Variants in MRRF observed in about 807,000 individuals in gnomAD.
The protein encoded by MRRF is mitochondrial ribosome recycling factor.
MRRF carries 18 observed loss-of-function variants against 25.1 expected under a neutral mutation model. That is an observed-to-expected ratio of 0.72 (90% CI 0.50 to 1.06). The LOEUF (loss-of-function observed/expected upper bound fraction) is 1.06, where lower values mean the gene tolerates loss of function less well. Ranked by LOEUF, MRRF falls within the 50% of genes least tolerant of loss-of-function variation. The pLI is 0.00. For synonymous variants in MRRF, 113 were observed against 112.1 expected (o/e 1.01, Z -0.05); for missense variants, 323 against 319.3 (o/e 1.01, Z -0.09).
chr9:122,326,663 A>G lies in MRRF; in HGVS notation c.*4046A>G, dbSNP rs1260544383. 6.6e-6 allele frequency: 1 copy of G among 152,032 alleles called. No homozygotes were observed. The highest frequency in any genetic ancestry group is 1.5e-5 in the Non-Finnish European group (1 of 67,986). 9.4% of individuals were successfully genotyped at this position (152,032 alleles called of 1,614,324 possible). A position where few individuals can be genotyped will look rare whatever the true frequency, so the allele number is the denominator to read the frequency against. On this transcript the variant is annotated 3_prime_UTR_variant, in exon 7 of 7. Coordinates refer to ENST00000344641, the MANE Select transcript of MRRF (RefSeq NM_138777.5). ...AGATGATTTTTTTTTTTAAGAAAAA[A>G]GAAAGGCCCCTATTCTAAGATTATC... is the stretch of plus-strand genomic sequence containing the variant.
chr9:122,292,353 T>C (rs952432405), intron 5 of MRRF, among the ~76,000 whole-genome samples: 7 of 152,188 alleles, frequency 4.6e-5, no homozygotes, highest in African/African-American at 1.4e-4. Context: ...ACTGGTAGTC[T>C]CTAACTTATA....
intron 5 of MRRF, among the ~76,000 whole-genome samples, chr9:122,307,425 CTCTGCTCACTA>C (rs1325953951): frequency 6.6e-6 from 1 of 152,210 alleles, no homozygotes; most frequent in Non-Finnish European, 1.5e-5. Flanking sequence ...TTCTGTTTCT[CTCTGCTCACTA>C]TCTGCTCAGT....
In MRRF at chr9:122,328,356, CAG is replaced by C. The variant is rs1836195123; in HGVS notation, c.*5741_*5742del. 1 of 152,184 alleles carries C rather than the reference CAG, an allele frequency of 6.6e-6. No individual in the cohort carries two copies. The highest frequency in any genetic ancestry group is 6.5e-5 in the Admixed American group (1 of 15,280). 9.4% of individuals were successfully genotyped at this position (152,184 alleles called of 1,614,324 possible). The stretch of plus-strand genomic sequence containing the variant: ...CCATCCTCCAGAACTCTTTACCATG[CAG>C]AACTGACGCTCTATACCCATTACAC... On this transcript the variant is annotated 3_prime_UTR_variant, in exon 7 of 7. Coordinates refer to ENST00000344641, the MANE Select transcript of MRRF (RefSeq NM_138777.5).
At position 122,322,565 on chromosome 9, in the gene MRRF, T is replaced by G; in HGVS notation, c.737T>G (p.Val246Gly). Residue 246 changes from valine to glycine, a missense_variant, in exon 7 of 7, where the codon GTG (valine) becomes GGG (glycine). Coordinates refer to ENST00000344641, the MANE Select transcript of MRRF (RefSeq NM_138777.5). ...KQISQMADDT[V>G]AELDRHLAVK... ...ATCAGCCAAATGGCCGATGACACAGTGGCAGAACTGGACAGGCATCTGGCA... is the reference window on the plus strand; with the variant it reads ...ATCAGCCAAATGGCCGATGACACAGGGGCAGAACTGGACAGGCATCTGGCA... 6.2e-7 allele frequency: 1 copy of G among 1,614,154 alleles called. No individual in the cohort carries two copies.
intron 4 of MRRF, among the ~76,000 whole-genome samples, chr9:122,289,075 A>T (rs905565859): frequency 3.3e-5 from 5 of 152,232 alleles, no homozygotes; most frequent in African/African-American, 1.2e-4. Flanking sequence ...ATATGAGAAC[A>T]TGACTAATTC....
chr9:122,313,412 GTCTGTGTA>G, intron 6 of MRRF, 26 bp downstream of exon 6: 1 of 1,611,046 alleles, frequency 6.2e-7, no homozygotes. Flanking sequence ...ATGTAGTAGT[GTCTGTGTA>G]TTCAGCATAA....
chr9:122,283,424 G>A (rs1288597012), intron 3 of MRRF, among the ~76,000 whole-genome samples: 1 of 152,030 alleles, frequency 6.6e-6, no homozygotes, highest in Non-Finnish European at 1.5e-5. Flanking sequence ...GTCCCATTTA[G>A]AAATCAGGAA....
rs1267894791 is a variant in MRRF, at chr9:122,330,506, T to A, written c.*7889T>A. 1 of 152,278 alleles carries A rather than the reference T, an allele frequency of 6.6e-6. No individual in the cohort carries two copies. Among genetic ancestry groups the A allele is most frequent in the African/African-American group, 2.4e-5 (1 of 41,470 alleles). The allele number at this position is 152,278 out of a possible 1,614,324, so 9.4% of individuals were successfully genotyped here. On this transcript the variant is annotated 3_prime_UTR_variant, in exon 7 of 7. Transcript: ENST00000344641. This position sits in a 1 kb window ranked among gnomAD's most constrained non-coding sequence, Gnocchi z 4.2. ...CTTCCAAGACACTACTCCCCAGGCC[T>A]CCTCTTCCTGATAATAATAGTGGCT...
At chr9:122,318,010 ATCTGTAG>A (rs960320537) in intron 6 of MRRF, among the ~76,000 whole-genome samples, 2 of 152,058 alleles carry the variant, frequency 1.3e-5, no homozygotes, top group African/African-American at 4.8e-5. Context: ...GGTGGTGGGC[ATCTGTAG>A]TCCCAGCTAC....
intron 4 of MRRF, among the ~76,000 whole-genome samples, chr9:122,290,053 CAAA>C (rs35432998): frequency 1.8e-5 from 2 of 113,302 alleles, no homozygotes. Flanking sequence ...GACCCTGTCT[CAAA>C]AAAAAAAAAG....
intron 6 of MRRF, among the ~76,000 whole-genome samples, chr9:122,318,064 G>A (rs531171308): frequency 7.2e-4 from 110 of 152,248 alleles, no homozygotes; most frequent in East Asian, 1.4e-3. Flanking sequence ...TTGAACCCGG[G>A]AGGCAGAGCT....
chr9:122,271,144 A>C lies in MRRF; in HGVS notation c.184+69A>C. On this transcript the variant is annotated intron_variant, in intron 2 of 6. Coordinates refer to ENST00000344641, the MANE Select transcript of MRRF (RefSeq NM_138777.5). The stretch of plus-strand genomic sequence containing the variant: ...AGTTGGCCCTTGAATTATAGCTGGC[A>C]GGTATCTCAGATGTACTGAATTTCT... The C allele has an allele frequency of 2.3e-6, 3 of 1,321,328 alleles. No homozygotes were observed. In the East Asian group the frequency reaches 6.9e-5, roughly 30 times the overall value. The allele number at this position is 1,321,328 out of a possible 1,614,324, so 81.9% of individuals were successfully genotyped here. A position where few individuals can be genotyped will look rare whatever the true frequency, so the allele number is the denominator to read the frequency against.
intron 5 of MRRF, among the ~76,000 whole-genome samples, chr9:122,307,087 G>A (rs898759291): frequency 1.3e-5 from 2 of 152,152 alleles, no homozygotes; most frequent in Admixed American, 6.5e-5. Flanking sequence ...GGTGTCCCTA[G>A]AAGCATAGGA....
intron 6 of MRRF, among the ~76,000 whole-genome samples, chr9:122,314,153 A>G (rs1312788942): frequency 2.0e-5 from 3 of 152,218 alleles, no homozygotes; most frequent in East Asian, 1.9e-4. Flanking sequence ...GTGATCGACA[A>G]TATCAAAGCA....
At chr9:122,291,937 A>T (rs1833800721) in intron 5 of MRRF, 97 bp downstream of exon 5, 1 of 847,606 alleles carries the variant, frequency 1.2e-6, no homozygotes, top group Non-Finnish European at 2.1e-6. Context: ...GGCCAATAAC[A>T]TACCTTACCT....
At position 122,304,819 on chromosome 9, in the gene MRRF, A is replaced by G. The variant is rs1402188302; in HGVS notation, c.552-8408A>G. Among the ~76,000 whole-genome samples the G allele has an allele frequency of 2.0e-5, 3 of 152,136 alleles. No homozygotes were observed. In the East Asian group the frequency reaches 5.8e-4, roughly 29 times the overall value. ...GCTAGATTTGTCTAGCACCAACAAG[A>G]GAGGAAATAGAGCAGAAGGCCTGGA... On this transcript the variant is annotated intron_variant, in intron 5 of 6. Coordinates refer to ENST00000344641, the MANE Select transcript of MRRF (RefSeq NM_138777.5).
intron 6 of MRRF, among the ~76,000 whole-genome samples, chr9:122,322,031 A>G (rs778681987): frequency 1.6e-4 from 25 of 152,152 alleles, no homozygotes; most frequent in Non-Finnish European, 2.8e-4. Context: ...TAATAATAGT[A>G]TCTATCTTAT....
rs1422122440 is a variant in MRRF at position 122,319,403 on chromosome 9, G to A, written c.712-3137G>A. On this transcript the variant is annotated intron_variant, in intron 6 of 6. Coordinates refer to ENST00000344641, the MANE Select transcript of MRRF (RefSeq NM_138777.5). ...CTGACCTTGTGATCCGCCTGCCTTG[G>A]CCTCCCAAAGTGCTGGGATTACAAC... 1.3e-5 allele frequency among the ~76,000 whole-genome samples: 2 copies of A among 152,002 alleles called. 1 individual carries two copies. The highest frequency in any genetic ancestry group is 1.3e-4 in the Admixed American group (2 of 15,254).
chr9:122,269,176 A>T lies in MRRF; in HGVS notation c.-28-1688A>T, dbSNP rs183140956. On this transcript the variant is annotated intron_variant, in intron 1 of 6. Transcript: ENST00000344641. ...GTGAGACTCTGTCTCAAAAAAAAAA[A>T]AAATAATAATAATAATAGCCATCAT... Among the ~76,000 whole-genome samples the T allele has an allele frequency of 4.1e-3, 624 of 151,928 alleles. 5 individuals are homozygous for T. Among genetic ancestry groups the T allele is most frequent in the African/African-American group, 0.015 (614 of 41,456 alleles).
Sources: gnomAD v4.1 joint callset for allele counts (sites outside exome capture counted in the v4.1 genomes callset) on GRCh38, gnomAD v4.1.1 for gene constraint, Gnocchi (gnomAD v3.1) non-coding constraint, MANE v1.5 for transcripts, NCBI Gene and HGNC (gene_info 2026-07-23, HGNC 2026-07-21) for gene names.